ABCB1: variants seen among roughly 807,000 people sequenced by gnomAD.
ABCB1 encodes the protein ATP-dependent translocase ABCB1.
Under a neutral mutation model 142.0 loss-of-function variants are expected in ABCB1, and 69 were observed. That is an observed-to-expected ratio of 0.49 (90% CI 0.40 to 0.59). The LOEUF (loss-of-function observed/expected upper bound fraction) is 0.59. Ranked by LOEUF, ABCB1 falls within the 20% of genes least tolerant of loss-of-function variation. The probability of loss-of-function intolerance (pLI) is 0.00; values close to 1 mark genes in which losing one functional copy is unlikely to be tolerated. For missense variants in ABCB1, 1,326 were observed against 1,554.7 expected (o/e 0.85, Z 2.47); for synonymous variants, 532 against 539.2 (o/e 0.99, Z 0.18).
At chr7:87,601,146 C>T (rs145617883), upstream of ABCB1, 69 of 152,304 alleles carry the variant, frequency 4.5e-4, no homozygotes, top group African/African-American at 1.6e-3. Context: ...TATGTAGACA[C>T]GTCTTTCAAA....
At chr7:87,697,229 A>T (rs1828571422) in intron 1 of ABCB1, among the ~76,000 whole-genome samples, 1 of 152,210 alleles carries the variant, frequency 6.6e-6, no homozygotes, top group Admixed American at 6.5e-5. Context: ...GGTGGTTGCC[A>T]TTGGCTAATA....
Position 87,638,287 on chromosome 7 carries a change from T to C in ABCB1, c.-330-37209A>G, listed in dbSNP as rs1822020537. ...TGATTGTCCTTTCTTATAATGTTCT[T>C]GTCTGGTTTTGTCATTAAGATTATT... On this transcript the variant is annotated intron_variant, in intron 1 of 28. Transcript: ENST00000265724. Among the ~76,000 whole-genome samples, 4 of 152,252 alleles carry C rather than the reference T, an allele frequency of 2.6e-5. No individual in the cohort carries two copies. The South Asian group carries it at 8.3e-4, about 32-fold the overall frequency.
intron 1 of ABCB1, among the ~76,000 whole-genome samples, chr7:87,620,539 T>C (rs1820187878): frequency 6.6e-6 from 1 of 152,222 alleles, no homozygotes; most frequent in Non-Finnish European, 1.5e-5. Flanking sequence ...ATGAGATAAT[T>C]TACAGAAAAT....
At chr7:87,678,121 C>T (rs1826562502) in intron 1 of ABCB1, among the ~76,000 whole-genome samples, 1 of 152,184 alleles carries the variant, frequency 6.6e-6, no homozygotes. Context: ...GCAACAGAAA[C>T]TGTGAATATC....
At chr7:87,534,808 G>T (rs1177523296) in intron 20 of ABCB1, among the ~76,000 whole-genome samples, 3 of 151,296 alleles carry the variant, frequency 2.0e-5, no homozygotes, top group African/African-American at 7.3e-5. Context: ...CCAGCTACCA[G>T]GAAGGCTGAG....
At chr7:87,660,877 A>G (rs993953386) in intron 1 of ABCB1, among the ~76,000 whole-genome samples, 4 of 151,812 alleles carry the variant, frequency 2.6e-5, no homozygotes, top group South Asian at 2.1e-4. Context: ...TTACCTTTTC[A>G]TATTTACTTC....
intron 8 of ABCB1, among the ~76,000 whole-genome samples, chr7:87,556,794 C>T (rs570451688): frequency 7.2e-4 from 110 of 152,284 alleles, no homozygotes; most frequent in Non-Finnish European, 1.3e-3. Context: ...AACCACTCCC[C>T]TGTGCCCTTA....
chr7:87,627,089 T>C (rs955541254), intron 1 of ABCB1, among the ~76,000 whole-genome samples: 1 of 152,136 alleles, frequency 6.6e-6, no homozygotes, highest in African/African-American at 2.4e-5. Flanking sequence ...ATTTTTATTC[T>C]ACTAAACAGA....
At chr7:87,670,487 C>T (rs1381086950) in intron 1 of ABCB1, among the ~76,000 whole-genome samples, 1 of 152,188 alleles carries the variant, frequency 6.6e-6, no homozygotes, top group Non-Finnish European at 1.5e-5. Flanking sequence ...TCAGCCAGTA[C>T]AGCCTGATTA....
intron 1 of ABCB1, among the ~76,000 whole-genome samples, chr7:87,646,747 G>C (rs1333580229): frequency 7.0e-6 from 1 of 142,674 alleles, no homozygotes; most frequent in African/African-American, 2.5e-5. Flanking sequence ...CCAGGGATTG[G>C]CAGCATTATT....
At chr7:87,560,579 C>T (rs1381500231) in intron 8 of ABCB1, among the ~76,000 whole-genome samples, 3 of 152,100 alleles carry the variant, frequency 2.0e-5, no homozygotes, top group Non-Finnish European at 4.4e-5. Context: ...CCCCCTTAAC[C>T]AATACAGTTT....
chr7:87,667,480 A>G (rs964188580), intron 1 of ABCB1, among the ~76,000 whole-genome samples: 2 of 150,780 alleles, frequency 1.3e-5, no homozygotes, highest in African/African-American at 4.9e-5. Flanking sequence ...GATGCCCTTT[A>G]TTTCTTTCTC....
intron 1 of ABCB1, among the ~76,000 whole-genome samples, chr7:87,657,443 G>T (rs1824218264): frequency 6.6e-6 from 1 of 152,106 alleles, no homozygotes; most frequent in African/African-American, 2.4e-5. Context: ...CTTAAAAAAG[G>T]CTGAATGGGA....
chr7:87,553,317 C>CTTTTTTTTTTTTTTTT (rs941637830), intron 9 of ABCB1, among the ~76,000 whole-genome samples: 1 of 112,666 alleles, frequency 8.9e-6, no homozygotes, highest in African/African-American at 3.6e-5. Flanking sequence ...TTTTTTTCCA[C>CTTTTTTTTTTTTTTTT]TTTTTTTTTT....
chr7:87,525,244 T>G (rs1027080046), intron 21 of ABCB1, among the ~76,000 whole-genome samples: 1 of 152,154 alleles, frequency 6.6e-6, no homozygotes, highest in Non-Finnish European at 1.5e-5. Flanking sequence ...GAAACTGTTG[T>G]GTACTAAATA....
intron 9 of ABCB1, among the ~76,000 whole-genome samples, chr7:87,551,875 T>C (rs952610844): frequency 6.6e-6 from 1 of 152,028 alleles, no homozygotes; most frequent in Admixed American, 6.6e-5. Context: ...TAAGGTAAAG[T>C]GGAAATAAAT....
At chr7:87,653,359 A>G (rs548046288) in intron 1 of ABCB1, among the ~76,000 whole-genome samples, 1 of 152,138 alleles carries the variant, frequency 6.6e-6, no homozygotes, top group Non-Finnish European at 1.5e-5. Flanking sequence ...GAAGTTAGGC[A>G]TTTTGCCTGC....
At chr7:87,626,137 G>GTGTCATATATAT (rs1276104176) in intron 1 of ABCB1, among the ~76,000 whole-genome samples, 2 of 136,994 alleles carry the variant, frequency 1.5e-5, no homozygotes, top group South Asian at 4.9e-4. Flanking sequence ...TCATATATAT[G>GTGTCATATATAT]TGTCATATAT....
Position 87,553,842 on chromosome 7 carries a change from G to C in ABCB1, c.918C>G (p.Ile306Met). The C allele has an allele frequency of 6.2e-7, 1 of 1,614,002 alleles. No homozygotes were observed. The highest frequency in any genetic ancestry group is 8.5e-7 in the Non-Finnish European group (1 of 1,179,878). Residue 306 changes from isoleucine to methionine, a missense_variant, in exon 9 of 28, where the codon ATC becomes ATG. Physicochemically the swap from Ile to Met is conservative, Grantham distance 10. Coordinates refer to ENST00000622132, the MANE Select transcript of ABCB1 (RefSeq NM_001348946.2). ...AGAAGGCCAGAGCATAAGATGCATAGATCAGCAGGAAAGCAGCACCTATAG... is the reference window on the plus strand; with the variant it reads ...AGAAGGCCAGAGCATAAGATGCATACATCAGCAGGAAAGCAGCACCTATAG... ...NISIGAAFLL[I>M]YASYALAFWY...
Sources: gnomAD v4.1 joint callset for allele counts (sites outside exome capture counted in the v4.1 genomes callset) on GRCh38, gnomAD v4.1.1 for gene constraint, MANE v1.5 for transcripts, NCBI Gene and HGNC (gene_info 2026-07-23, HGNC 2026-07-21) for gene names.